Variants in ACADM observed in about 807,000 individuals in gnomAD.
ACADM encodes the protein medium-chain specific acyl-CoA dehydrogenase, mitochondrial.
A neutral mutation model predicts 58.9 loss-of-function variants in ACADM; 49 were observed. The observed-to-expected ratio is 0.83, with a 90% CI of 0.66 to 1.06. The LOEUF is 1.06. Among genes scored for constraint, ACADM ranks in the 50% least tolerant of loss-of-function variants. ACADM has a pLI of 0.00. For synonymous variants in ACADM, 160 were observed against 157.7 expected (o/e 1.01, Z -0.11); for missense variants, 496 against 507.0 (o/e 0.98, Z 0.21).
At chr1:75,724,949 G>C in intron 1 of ACADM, 132 bp downstream of exon 1, 1 of 938,560 alleles carries the variant, frequency 1.1e-6, no homozygotes, top group Non-Finnish European at 1.4e-6. Context: ...CCAGCCTAGG[G>C]GCCCCCAACC....
chr1:75,740,016 G>T lies in ACADM; in HGVS notation c.505G>T (p.Val169Leu). ...AACAGAACCTGGAGCAGGCTCTGATGTAGCTGGTATAAAGACCAAAGCAGA... is the reference window on the plus strand; with the variant it reads ...AACAGAACCTGGAGCAGGCTCTGATTTAGCTGGTATAAAGACCAAAGCAGA... ...CVTEPGAGSD[V>L]AGIKTKAEKK... The change falls in exon 7 of 12, where the codon GTA becomes TTA. Residue 169 changes from valine to leucine, a missense_variant. Coordinates refer to ENST00000370841, the MANE Select transcript of ACADM (RefSeq NM_000016.6). The T allele has an allele frequency of 1.2e-6, 2 of 1,612,766 alleles. No homozygotes were observed. The highest frequency in any genetic ancestry group is 2.7e-5 in the African/African-American group (2 of 74,986).
rs1647166816 is a variant in ACADM, at chr1:75,732,718, G to T, written c.193G>T (p.Ala65Ser). ...CAGAGAGGAAATCATCCCAGTGGCT[G>T]CAGAATATGATAAAACTGGTGAAGT... ...FAREEIIPVA[A>S]EYDKTGEYPV... The change falls in exon 3 of 12, where the codon GCA (alanine) becomes TCA (serine). Residue 65 changes from alanine to serine, a missense_variant. Ala to Ser is a moderately conservative substitution (Grantham distance 99). Transcript: ENST00000370841. The T allele has an allele frequency of 6.2e-7, 1 of 1,613,792 alleles. No individual in the cohort carries two copies. Among genetic ancestry groups the T allele is most frequent in the African/African-American group, 1.3e-5 (1 of 74,918 alleles).
chr1:75,759,799 T>A (rs769146851), intron 10 of ACADM, among the ~76,000 whole-genome samples: 1 of 151,830 alleles, frequency 6.6e-6, no homozygotes, highest in Non-Finnish European at 1.5e-5. Context: ...GTAGCTGGTA[T>A]TACAAGCATG....
intron 1 of ACADM, 72 bp downstream of exon 1, chr1:75,724,889 C>T: frequency 7.5e-7 from 1 of 1,333,768 alleles, no homozygotes; most frequent in Non-Finnish European, 9.7e-7. Flanking sequence ...GGGCCCTGGG[C>T]CAAAAATAGG....
intron 2 of ACADM, among the ~76,000 whole-genome samples, chr1:75,730,489 T>G (rs1307669301): frequency 6.6e-6 from 1 of 152,188 alleles, no homozygotes; most frequent in Non-Finnish European, 1.5e-5. Flanking sequence ...ACTTAGTGAC[T>G]GGATCAAAGT....
intron 7 of ACADM, chr1:75,743,298 C>G: frequency 9.1e-7 from 1 of 1,104,762 alleles, no homozygotes; most frequent in Non-Finnish European, 1.3e-6. Flanking sequence ...TGCTCTGCTT[C>G]CTTGCTTGAG....
At chr1:75,749,712 C>CTTTTTTTTTT (rs35897798) in intron 9 of ACADM, among the ~76,000 whole-genome samples, 153 bp downstream of exon 9, 9 of 118,156 alleles carry the variant, frequency 7.6e-5, no homozygotes, top group South Asian at 2.6e-4. Flanking sequence ...ACTTTTCTTT[C>CTTTTTTTTTT]TTTTTTTTTT....
chr1:75,749,398 A>G, intron 8 of ACADM, 21 bp from the exon 9 acceptor site: 1 of 1,612,776 alleles, frequency 6.2e-7, no homozygotes, highest in Non-Finnish European at 8.5e-7. Context: ...ATTCCTTAAA[A>G]TATATCAATT....
intron 10 of ACADM, among the ~76,000 whole-genome samples, chr1:75,752,284 A>G (rs990047162): frequency 6.6e-5 from 10 of 152,090 alleles, no homozygotes; most frequent in Non-Finnish European, 4.4e-5. Context: ...TGGTTCTCAA[A>G]CTATTTGTGG....
intron 10 of ACADM, among the ~76,000 whole-genome samples, chr1:75,755,882 T>C (rs1648477785): frequency 6.6e-6 from 1 of 152,204 alleles, no homozygotes; most frequent in African/African-American, 2.4e-5. Flanking sequence ...CACGATCAAG[T>C]CAGCTTTCTC....
intron 11 of ACADM, 129 bp from the exon 12 acceptor site, chr1:75,762,563 A>G (rs1179906737): frequency 8.0e-6 from 5 of 628,408 alleles, no homozygotes; most frequent in African/African-American, 3.7e-5. Flanking sequence ...TGTAGAGGCT[A>G]CAGACCCTAT....
In ACADM at chr1:75,746,679, A is replaced by G. The variant is rs148392369; in HGVS notation, c.708+765A>G. On this transcript the variant is annotated intron_variant, in intron 8 of 11. Coordinates refer to ENST00000370841, the MANE Select transcript of ACADM (RefSeq NM_000016.6). Reference sequence around the variant, plus strand: ...AGTGGCAGGATCTCAGCTCACTGCAACCTCTGCCTCCTGGGCTCAAACAAT... The same window carrying G: ...AGTGGCAGGATCTCAGCTCACTGCAGCCTCTGCCTCCTGGGCTCAAACAAT... Among the ~76,000 whole-genome samples the G allele has an allele frequency of 2.0e-5, 3 of 151,434 alleles. No individual in the cohort carries two copies. In the East Asian group the frequency reaches 5.8e-4, roughly 29 times the overall value.
At chr1:75,730,298 G>A (rs928323001) in intron 2 of ACADM, among the ~76,000 whole-genome samples, 1 of 152,150 alleles carries the variant, frequency 6.6e-6, no homozygotes, top group African/African-American at 2.4e-5. Flanking sequence ...ATCTATGGTG[G>A]TTCACTGAGT....
rs918102453 is a variant in ACADM at position 75,751,996 on chromosome 1, T to TC, written c.945+1450_945+1451insC. Among the ~76,000 whole-genome samples the TC allele has an allele frequency of 4.7e-4, 10 of 21,490 alleles. No homozygotes were observed. In the African/African-American group the frequency reaches 5.9e-3, roughly 13 times the overall value. 14.1% of individuals were successfully genotyped at this position (21,490 alleles called of 152,430 possible). ...TTGTATAGTGAACCTCCTATTTCTC[T>TC]TTTTTTTTTTTTTTGAGACAGGGTC... On this transcript the variant is annotated intron_variant, in intron 10 of 11. Transcript: ENST00000370841.
At chr1:75,758,320 C>T (rs1028804416) in intron 10 of ACADM, among the ~76,000 whole-genome samples, 1 of 152,190 alleles carries the variant, frequency 6.6e-6, no homozygotes, top group Non-Finnish European at 1.5e-5. Context: ...ATCCACCCAC[C>T]TTGGCGTCCC....
chr1:75,737,282 ATAT>A (rs1647309066), intron 6 of ACADM, among the ~76,000 whole-genome samples: 2 of 13,602 alleles, frequency 1.5e-4, no homozygotes, highest in South Asian at 5.9e-3. Flanking sequence ...ACACACAAAT[ATAT>A]ATATATATAT....
intron 6 of ACADM, among the ~76,000 whole-genome samples, chr1:75,737,793 CATT>C (rs2100382708): frequency 7.1e-6 from 1 of 140,352 alleles, no homozygotes; most frequent in East Asian, 1.9e-4. Context: ...CAGAACCTGT[CATT>C]TTTTTTTTTA....
At chr1:75,759,660 T>C (rs796773200) in intron 10 of ACADM, among the ~76,000 whole-genome samples, 83 of 133,570 alleles carry the variant, frequency 6.2e-4, no homozygotes, top group African/African-American at 1.0e-3. Flanking sequence ...AACTTTCTTT[T>C]TTTTTTTTTT....
chr1:75,737,505 T>C (rs1207319176), intron 6 of ACADM, among the ~76,000 whole-genome samples: 2 of 151,902 alleles, frequency 1.3e-5, no homozygotes, highest in African/African-American at 4.8e-5. Context: ...TAAAGGTGGT[T>C]AAAACAAAAT....
Sources: allele counts gnomAD v4.1 joint callset (sites outside exome capture counted in the v4.1 genomes callset), GRCh38; gene constraint gnomAD v4.1.1; transcripts MANE v1.5; gene names NCBI Gene and HGNC (gene_info 2026-07-23, HGNC 2026-07-21).